The following NRXN3 variants were observed in gnomAD, a reference collection of about 807,000 sequenced individuals.
NRXN3 encodes neurexin III.
A neutral mutation model predicts 137.6 loss-of-function variants in NRXN3; 32 were observed. That is an observed-to-expected ratio of 0.23 (90% CI 0.18 to 0.31). The LOEUF is 0.31. Among genes scored for constraint, NRXN3 ranks in the 10% least tolerant of loss-of-function variants. The pLI, the probability that NRXN3 is intolerant of heterozygous loss-of-function variation, is 1.00. For synonymous variants in NRXN3, 798 were observed against 784.5 expected (o/e 1.02, Z -0.29); for missense variants, 1,574 against 2,062.5 (o/e 0.76, Z 4.59).
chr14:78,536,150 G>A (rs1260079783), intron 4 of NRXN3, among the ~76,000 whole-genome samples: 1 of 152,122 alleles, frequency 6.6e-6, no homozygotes, highest in Non-Finnish European at 1.5e-5. Flanking sequence ...CTGCCTGGGG[G>A]CTTGCTCTTT....
intron 19 of NRXN3, among the ~76,000 whole-genome samples, chr14:79,756,718 C>T (rs1300100114): frequency 6.6e-6 from 1 of 152,090 alleles, no homozygotes; most frequent in Non-Finnish European, 1.5e-5. Flanking sequence ...AAAGTGCTCC[C>T]AATAAGTGAA....
chr14:79,618,990 T>G (rs2098192340), intron 16 of NRXN3, among the ~76,000 whole-genome samples: 1 of 152,166 alleles, frequency 6.6e-6, no homozygotes, highest in South Asian at 2.1e-4. Flanking sequence ...AATTGTTGGC[T>G]GCATGTATGT....
chr14:79,446,948 C>A (rs2096072462), intron 15 of NRXN3, among the ~76,000 whole-genome samples: 1 of 152,140 alleles, frequency 6.6e-6, no homozygotes, highest in South Asian at 2.1e-4. Context: ...ATAACTTATT[C>A]ATCTTGCATT....
chr14:78,506,934 G>A (rs2096006703), intron 4 of NRXN3, among the ~76,000 whole-genome samples: 1 of 151,966 alleles, frequency 6.6e-6, no homozygotes, highest in South Asian at 2.1e-4. Context: ...AGAAATATCT[G>A]TTCACCTCCT....
At chr14:78,250,122 A>C (rs1305910698) in intron 2 of NRXN3, 1 of 516,020 alleles carries the variant, frequency 1.9e-6, no homozygotes, top group Admixed American at 2.0e-5. Flanking sequence ...CAAGAGGTTA[A>C]ATAACTTGCC....
chr14:79,833,926 T>G (rs1568400166), intron 20 of NRXN3, among the ~76,000 whole-genome samples: 1 of 152,254 alleles, frequency 6.6e-6, no homozygotes, highest in East Asian at 1.9e-4. Context: ...GAGCAACCAT[T>G]CTAATATATA....
chr14:79,808,511 C>T (rs1336407446), intron 20 of NRXN3, among the ~76,000 whole-genome samples: 1 of 151,970 alleles, frequency 6.6e-6, no homozygotes, highest in Non-Finnish European at 1.5e-5. Flanking sequence ...TCACTGCCTC[C>T]ATTTCTAAAA....
chr14:78,382,721 G>C (rs2089335277), intron 4 of NRXN3, among the ~76,000 whole-genome samples: 1 of 152,160 alleles, frequency 6.6e-6, no homozygotes, highest in South Asian at 2.1e-4. Flanking sequence ...TCCTAGTAAG[G>C]GGAAGCTTGG....
chr14:79,567,499 G>A (rs1414672745), intron 16 of NRXN3, among the ~76,000 whole-genome samples: 6 of 151,924 alleles, frequency 3.9e-5, no homozygotes, highest in Non-Finnish European at 8.8e-5. Context: ...ACATGATCCA[G>A]TTTAGGTAAT....
At chr14:78,997,492 T>G (rs1286251488) in intron 15 of NRXN3, among the ~76,000 whole-genome samples, 1 of 152,206 alleles carries the variant, frequency 6.6e-6, no homozygotes, top group Non-Finnish European at 1.5e-5. Flanking sequence ...TTCCAACATA[T>G]TTTTCAACAT....
intron 1 of NRXN3, among the ~76,000 whole-genome samples, chr14:78,220,986 A>C (rs1004433891): frequency 6.6e-6 from 1 of 152,198 alleles, no homozygotes; most frequent in African/African-American, 2.4e-5. Context: ...AGGATTGCTA[A>C]GTAGCTGAGG....
intron 4 of NRXN3, among the ~76,000 whole-genome samples, chr14:78,405,360 G>T (rs1291995108): frequency 6.6e-6 from 1 of 152,164 alleles, no homozygotes; most frequent in African/African-American, 2.4e-5. Context: ...AGGCTGGGCT[G>T]CTCTGTCATA....
At chr14:79,650,170 G>A (rs1290915393) in intron 16 of NRXN3, among the ~76,000 whole-genome samples, 1 of 152,130 alleles carries the variant, frequency 6.6e-6, no homozygotes. Flanking sequence ...AGCGTCAGAA[G>A]CGTGTTGTGA....
chr14:78,409,418 G>A (rs919308368), intron 4 of NRXN3, among the ~76,000 whole-genome samples: 2 of 152,220 alleles, frequency 1.3e-5, no homozygotes, highest in Non-Finnish European at 1.5e-5. Context: ...GAAAAGAGGC[G>A]TGGTCAGGGA....
intron 15 of NRXN3, among the ~76,000 whole-genome samples, chr14:79,464,606 A>C (rs896017506): frequency 6.6e-6 from 1 of 152,150 alleles, no homozygotes; most frequent in Non-Finnish European, 1.5e-5. Flanking sequence ...AAACATGCCA[A>C]ATTTGGGGGC....
chr14:79,620,588 G>T (rs1441400965), intron 16 of NRXN3, among the ~76,000 whole-genome samples: 1 of 152,110 alleles, frequency 6.6e-6, no homozygotes, highest in Admixed American at 6.5e-5. Context: ...ATAGACCTGG[G>T]AAGAAAGAGA....
chr14:78,895,836 A>G (rs1224652422), intron 10 of NRXN3, among the ~76,000 whole-genome samples: 2 of 151,820 alleles, frequency 1.3e-5, no homozygotes, highest in African/African-American at 4.8e-5. Context: ...GAGGAAGAAA[A>G]ATGTGAGAAT....
Position 79,654,771 on chromosome 14 carries a change from G to A in NRXN3, c.3445-9007G>A, listed in dbSNP as rs1247969188. 2.0e-5 allele frequency among the ~76,000 whole-genome samples: 3 copies of A among 152,028 alleles called. 1 individual carries two copies. Among genetic ancestry groups the A allele is most frequent in the Admixed American group, 2.0e-4 (3 of 15,254 alleles). On this transcript the variant is annotated intron_variant, in intron 16 of 20. Coordinates refer to ENST00000335750, the MANE Select transcript of NRXN3 (RefSeq NM_001330195.2). ...AGAGAATGGTATAGAATTTAGACAG[G>A]GAATTTATCTGAGGGATTGACTGAA...
At chr14:78,389,081 G>T (rs577157815) in intron 4 of NRXN3, among the ~76,000 whole-genome samples, 2 of 149,674 alleles carry the variant, frequency 1.3e-5, no homozygotes, top group Admixed American at 6.7e-5. Flanking sequence ...TGTTTGAGAC[G>T]GAGTTGCTCT....
Sources: gnomAD v4.1 joint callset for allele counts (sites outside exome capture counted in the v4.1 genomes callset) on GRCh38, gnomAD v4.1.1 for gene constraint, MANE v1.5 for transcripts, NCBI Gene and HGNC (gene_info 2026-07-23, HGNC 2026-07-21) for gene names.